The following CDH1 variants were observed in gnomAD, a reference collection of about 807,000 sequenced individuals.
CDH1 encodes the protein cadherin 1, also known as cadherin-1.
CDH1 carries 35 observed loss-of-function variants against 84.5 expected under a neutral mutation model. That is an observed-to-expected ratio of 0.41 (90% CI 0.32 to 0.55). The LOEUF is 0.55. Among genes scored for constraint, CDH1 ranks in the 20% least tolerant of loss-of-function variants. The pLI is 0.19. For missense variants in CDH1, 994 were observed against 1,126.6 expected (o/e 0.88, Z 1.68); for synonymous variants, 417 against 439.0 (o/e 0.95, Z 0.63).
intron 10 of CDH1, among the ~76,000 whole-genome samples, chr16:68,818,239 C>CAAAA (rs576537213): frequency 7.2e-5 from 6 of 83,562 alleles, no homozygotes; most frequent in African/African-American, 1.7e-4. Flanking sequence ...GACTCTGTCC[C>CAAAA]AAAAAAAAAA....
chr16:68,823,617 G>A lies in CDH1; in HGVS notation c.2155G>A (p.Ala719Thr), dbSNP rs764703133. 6.2e-7 allele frequency: 1 copy of A among 1,609,234 alleles called. No homozygotes were observed. The highest frequency in any genetic ancestry group is 1.7e-5 in the Admixed American group (1 of 59,962). The change falls in exon 13 of 16, where the codon GCT becomes ACT. Residue 719 changes from alanine (A) to threonine (T), a missense_variant. Ala to Thr is a moderately conservative substitution (Grantham distance 58). Coordinates refer to ENST00000261769, the MANE Select transcript of CDH1 (RefSeq NM_004360.5). ...TCTGGGGATTCTTGGAGGAATTCTT[G>A]CTTTGCTAAGTAAGTCCAGCTGGCA... Reference protein sequence around the residue: ...AILGILGGILALLILILLLLL... With the variant: ...AILGILGGILTLLILILLLLL...
intron 2 of CDH1, among the ~76,000 whole-genome samples, chr16:68,762,402 T>C: frequency 6.6e-6 from 1 of 152,104 alleles, no homozygotes; most frequent in Non-Finnish European, 1.5e-5. Flanking sequence ...AAGCCTGGCA[T>C]GTAGTTGCCA....
chr16:68,824,926 G>A (rs1391704382), intron 13 of CDH1, among the ~76,000 whole-genome samples: 2 of 152,100 alleles, frequency 1.3e-5, no homozygotes, highest in Non-Finnish European at 2.9e-5. Flanking sequence ...AATGATGGAA[G>A]AGCAAGCAAA....
At chr16:68,774,637 T>C (rs1262237411) in intron 2 of CDH1, among the ~76,000 whole-genome samples, 1 of 151,962 alleles carries the variant, frequency 6.6e-6, no homozygotes, top group South Asian at 2.1e-4. Context: ...AAGTAAAGTT[T>C]GATGACCAGT....
In CDH1 at chr16:68,834,331, T is replaced by C; in HGVS notation, c.*832T>C. 1 of 498,694 alleles carries C rather than the reference T, an allele frequency of 2.0e-6. No individual in the cohort carries two copies. Among genetic ancestry groups the C allele is most frequent in the Non-Finnish European group, 3.9e-6 (1 of 254,166 alleles). The allele number at this position is 498,694 out of a possible 1,614,324, so 30.9% of individuals were successfully genotyped here. ...GGCCTGGGATGCAGTGATGTGATCA[T>C]AGCTCACTGTAACCTCAAACTCTGG... On this transcript the variant is annotated 3_prime_UTR_variant, in exon 16 of 16. Coordinates refer to ENST00000261769, the MANE Select transcript of CDH1 (RefSeq NM_004360.5).
In CDH1 at chr16:68,800,215, TA is replaced by T. The variant is rs1567500479; in HGVS notation, c.164-1454del. Among the ~76,000 whole-genome samples, 91 of 150,728 alleles carry T rather than the reference TA, an allele frequency of 6.0e-4. 1 individual carries two copies. Among genetic ancestry groups the T allele is most frequent in the African/African-American group, 2.1e-3 (88 of 41,098 alleles). ...AAAAAAAAAAAAACCAAGGCCTTAA[TA>T]GGGTCTCTCCAGAGAGAGGAAGAGC... On this transcript the variant is annotated intron_variant, in intron 2 of 15. Transcript: ENST00000261769.
At chr16:68,750,149 G>GGTTTTTTTTTTTTT in intron 2 of CDH1, among the ~76,000 whole-genome samples, 2 of 13,418 alleles carry the variant, frequency 1.5e-4, no homozygotes, top group East Asian at 3.6e-3. Flanking sequence ...CTAGAATTCA[G>GGTTTTTTTTTTTTT]CTTTTTTTTT....
intron 8 of CDH1, among the ~76,000 whole-genome samples, 198 bp downstream of exon 8, chr16:68,812,461 T>C (rs1267031965): frequency 1.4e-4 from 21 of 152,370 alleles, no homozygotes; most frequent in Non-Finnish European, 1.0e-4. Flanking sequence ...CTGGGGCCAA[T>C]TGGTGCAAGA....
intron 2 of CDH1, among the ~76,000 whole-genome samples, chr16:68,779,889 G>A (rs187413098): frequency 1.3e-5 from 2 of 152,162 alleles, no homozygotes; most frequent in South Asian, 2.1e-4. Flanking sequence ...AGGCAACTGA[G>A]GCCACAGTGT....
intron 2 of CDH1, among the ~76,000 whole-genome samples, chr16:68,745,527 C>A (rs1332151582): frequency 7.1e-5 from 1 of 14,142 alleles, no homozygotes; most frequent in Non-Finnish European, 1.7e-4. Context: ...GATAGAGATC[C>A]TGTCTCAAAA....
intron 2 of CDH1, among the ~76,000 whole-genome samples, chr16:68,782,625 G>A (rs1489054554): frequency 6.6e-6 from 1 of 152,168 alleles, no homozygotes; most frequent in African/African-American, 2.4e-5. Flanking sequence ...GTGCTTTGAG[G>A]GGGCGTTCAG....
intron 3 of CDH1, among the ~76,000 whole-genome samples, chr16:68,804,652 T>C (rs566605447): frequency 6.6e-6 from 1 of 152,242 alleles, no homozygotes; most frequent in South Asian, 2.1e-4. Flanking sequence ...GGGTGGTAGG[T>C]AGCAGATTAT....
chr16:68,823,028 C>T (rs976175012), intron 12 of CDH1: 7 of 297,172 alleles, frequency 2.4e-5, no homozygotes, highest in Non-Finnish European at 4.4e-5. Context: ...AGGTGACCAC[C>T]TGACCAACCT....
intron 2 of CDH1, among the ~76,000 whole-genome samples, chr16:68,796,283 C>G (rs1960359804): frequency 6.6e-6 from 1 of 152,138 alleles, no homozygotes; most frequent in Non-Finnish European, 1.5e-5. Context: ...GTGGGCAAAA[C>G]ACTGCTTCCA....
At chr16:68,800,413 G>A (rs1163289417) in intron 2 of CDH1, among the ~76,000 whole-genome samples, 2 of 152,140 alleles carry the variant, frequency 1.3e-5, no homozygotes, top group African/African-American at 4.8e-5. Flanking sequence ...TCTCTGGCAA[G>A]GGCAGGGCTA....
At chr16:68,790,369 C>A (rs1051788458) in intron 2 of CDH1, among the ~76,000 whole-genome samples, 3 of 152,106 alleles carry the variant, frequency 2.0e-5, no homozygotes, top group African/African-American at 7.2e-5. Flanking sequence ...TGATGATTTT[C>A]TTTTTAATCA....
intron 2 of CDH1, among the ~76,000 whole-genome samples, chr16:68,747,422 T>C (rs1962774555): frequency 6.6e-6 from 1 of 152,116 alleles, no homozygotes; most frequent in African/African-American, 2.4e-5. Flanking sequence ...GGGCTTTTCA[T>C]AGGCAAATTA....
chr16:68,787,043 G>A lies in CDH1; in HGVS notation c.164-14627G>A, dbSNP rs9929218. ...ATTCAAAGGTTCTGAATTCCACAAC[G>A]GCTTTCCTGTGTTTTTGCAGCCAGA... On this transcript the variant is annotated intron_variant, in intron 2 of 15. Transcript: ENST00000261769. Among the ~76,000 whole-genome samples, 43,112 of 152,086 alleles carry A rather than the reference G, an allele frequency of 0.28. 6,233 individuals carry two copies. Among genetic ancestry groups the A allele is most frequent in the Middle Eastern group, 0.34 (100 of 294 alleles).
chr16:68,815,669 G>C lies in CDH1; in HGVS notation c.1475G>C (p.Arg492Thr), dbSNP rs587781286. 6.8e-6 allele frequency: 11 copies of C among 1,614,232 alleles called. No individual in the cohort carries two copies. Among genetic ancestry groups the C allele is most frequent in the Non-Finnish European group, 9.3e-6 (11 of 1,180,036 alleles). ...EAPIFVPPEK[R>T]VEVSEDFGVG... ...CCCATCTTTGTGCCTCCTGAAAAGA[G>C]AGTGGAAGTGTCCGAGGACTTTGGC... is the stretch of plus-strand genomic sequence containing the variant. Residue 492 changes from arginine to threonine, a missense_variant, in exon 10 of 16, where the codon AGA becomes ACA. Around this residue, in one of 3 missense-constraint regions of CDH1, gnomAD observed 769 missense variants for 881.8 expected, o/e 0.87. Transcript: ENST00000261769.
Sources: allele counts gnomAD v4.1 joint callset (sites outside exome capture counted in the v4.1 genomes callset), GRCh38; gene constraint gnomAD v4.1.1; regional missense constraint gnomAD v4.1.1; transcripts MANE v1.5; gene names NCBI Gene and HGNC (gene_info 2026-07-23, HGNC 2026-07-21).